The following PPP1R7 variants were observed in gnomAD, a reference collection of about 807,000 sequenced individuals.
The protein encoded by PPP1R7 is protein phosphatase 1 regulatory subunit 7.
Under a neutral mutation model 45.2 loss-of-function variants are expected in PPP1R7, and 18 were observed. The ratio of observed to expected loss-of-function variants is 0.40; its 90% confidence interval spans 0.28 to 0.59. PPP1R7 has a LOEUF of 0.59. Ranked by LOEUF, PPP1R7 falls within the 20% of genes least tolerant of loss-of-function variation. The pLI, the probability that PPP1R7 is intolerant of heterozygous loss-of-function variation, is 0.46. For missense variants in PPP1R7, 314 were observed against 455.8 expected, an observed-to-expected ratio of 0.69 and a Z score of 2.83; for synonymous variants, 181 against 183.4, an observed-to-expected ratio of 0.99 and a Z score of 0.11.
At chr2:241,179,233 G>A (rs2067960223) in intron 9 of PPP1R7, among the ~76,000 whole-genome samples, 1 of 152,190 alleles carries the variant, frequency 6.6e-6, no homozygotes, top group Admixed American at 6.5e-5. Flanking sequence ...AAGAAGGGAT[G>A]TTTGCACACA....
At chr2:241,149,895 C>T (rs988487502), upstream of PPP1R7, 3 of 1,441,180 alleles carry the variant, frequency 2.1e-6, no homozygotes, top group Non-Finnish European at 2.7e-6. Flanking sequence ...AGCGGCCCCA[C>T]CAGCGCAAGT....
chr2:241,173,462 T>C (rs2067853999), intron 9 of PPP1R7, among the ~76,000 whole-genome samples: 1 of 152,146 alleles, frequency 6.6e-6, no homozygotes, highest in South Asian at 2.1e-4. Context: ...TCTTTTTTCC[T>C]CTGGCTGCTT....
intron 5 of PPP1R7, 42 bp from the exon 6 acceptor site, chr2:241,160,290 G>C: frequency 1.3e-6 from 2 of 1,500,340 alleles, no homozygotes; most frequent in East Asian, 2.4e-5. Flanking sequence ...TGCAACCTAT[G>C]CTCGTGAAAT....
In PPP1R7 at chr2:241,166,854, G is replaced by A. The variant is rs1038706905; in HGVS notation, c.819+413G>A. 7.9e-4 allele frequency among the ~76,000 whole-genome samples: 121 copies of A among 152,256 alleles called. 1 individual carries two copies. The highest frequency in any genetic ancestry group is 3.4e-3 in the Middle Eastern group (1 of 294). ...TGGCATCCCTTTAGGCCACTGACCT[G>A]TCCATGGGTCCACTGGCCTCAGCCC... is the stretch of plus-strand genomic sequence containing the variant. On this transcript the variant is annotated intron_variant, in intron 8 of 9. Transcript: ENST00000234038.
rs201044037 is a variant in PPP1R7 at position 241,169,883 on chromosome 2, G to T, written c.906+16G>T. ...AGAGTTCTGGGTAAGTTTAATACAC[G>T]CTGGGGTTGATGACACTTTGACTAA... On this transcript the variant is annotated intron_variant, in intron 9 of 9. Coordinates refer to ENST00000234038, the MANE Select transcript of PPP1R7 (RefSeq NM_002712.3). The T allele has an allele frequency of 5.1e-6, 8 of 1,578,272 alleles. No homozygotes were observed. The African/African-American group carries it at 9.4e-5, about 19-fold the overall frequency.
At chr2:241,161,479 T>C (rs1384384255) in intron 6 of PPP1R7, among the ~76,000 whole-genome samples, 1 of 152,222 alleles carries the variant, frequency 6.6e-6, no homozygotes, top group Non-Finnish European at 1.5e-5. Flanking sequence ...CCGGGGGCTT[T>C]AGAAAACCTC....
upstream of PPP1R7, chr2:241,149,924 T>A: frequency 7.0e-7 from 1 of 1,430,794 alleles, no homozygotes; most frequent in Non-Finnish European, 9.1e-7. Flanking sequence ...CCTGCCCGCC[T>A]GCTCCGAGCG....
At chr2:241,167,005 G>T in intron 8 of PPP1R7, 1 of 1,591,522 alleles carries the variant, frequency 6.3e-7, no homozygotes, top group Non-Finnish European at 8.6e-7. Context: ...GTCCTCACCT[G>T]TTCATGCTCC....
intron 2 of PPP1R7, chr2:241,155,230 A>C (rs1461224024): frequency 9.2e-5 from 14 of 152,260 alleles, no homozygotes; most frequent in Non-Finnish European, 1.5e-4. Flanking sequence ...TCCCTGGCTC[A>C]CTAGCACAGG....
chr2:241,171,122 T>C (rs1187655797), intron 9 of PPP1R7, among the ~76,000 whole-genome samples: 2 of 152,134 alleles, frequency 1.3e-5, no homozygotes, highest in Non-Finnish European at 2.9e-5. Flanking sequence ...GAAGCAATGT[T>C]CCTGAAGCGT....
At chr2:241,170,728 C>T (rs566593103) in intron 9 of PPP1R7, among the ~76,000 whole-genome samples, 3 of 152,354 alleles carry the variant, frequency 2.0e-5, no homozygotes, top group African/African-American at 7.2e-5. Context: ...AAAAGGTCAT[C>T]CAAGTTTCCC....
At chr2:241,152,761 T>TA (rs957156621) in intron 1 of PPP1R7, among the ~76,000 whole-genome samples, 1 of 152,140 alleles carries the variant, frequency 6.6e-6, no homozygotes, top group African/African-American at 2.4e-5. Flanking sequence ...AGTAAAGTTA[T>TA]AAAAAAGAAA....
At chr2:241,154,989 C>T (rs1013990946) in intron 2 of PPP1R7, 24 of 152,198 alleles carry the variant, frequency 1.6e-4, no homozygotes, top group Non-Finnish European at 2.9e-5. Context: ...AGGAGATTAC[C>T]ACAAAAGTAC....
intron 9 of PPP1R7, among the ~76,000 whole-genome samples, chr2:241,178,526 G>A (rs937274761): frequency 7.7e-6 from 1 of 129,874 alleles, no homozygotes; most frequent in Non-Finnish European, 1.6e-5. Context: ...GCGTGATCTC[G>A]GCTCACTGCA....
chr2:241,153,738 GC>G, intron 2 of PPP1R7, 134 bp downstream of exon 2: 1 of 1,131,214 alleles, frequency 8.8e-7, no homozygotes, highest in Non-Finnish European at 1.2e-6. Flanking sequence ...GTCCTCAGTG[GC>G]CCAGGGCAGG....
At chr2:241,161,495 G>T (rs2067589905) in intron 6 of PPP1R7, among the ~76,000 whole-genome samples, 1 of 152,246 alleles carries the variant, frequency 6.6e-6, no homozygotes. Flanking sequence ...ACCTCTTGAT[G>T]CTGACACACT....
intron 6 of PPP1R7, among the ~76,000 whole-genome samples, chr2:241,161,906 G>A (rs890937035): frequency 1.3e-4 from 20 of 152,212 alleles, no homozygotes; most frequent in African/African-American, 2.4e-5. Flanking sequence ...TGGCTTAGTG[G>A]CTTTGGCAGC....
chr2:241,158,770 A>G (rs966282925), intron 4 of PPP1R7: 115 of 542,028 alleles, frequency 2.1e-4, no homozygotes, highest in Non-Finnish European at 3.4e-4. Flanking sequence ...TCCTGAGCCC[A>G]GGCAGCCAGT....
chr2:241,180,563 T>C (rs2067985613), intron 9 of PPP1R7, among the ~76,000 whole-genome samples: 1 of 152,076 alleles, frequency 6.6e-6, no homozygotes, highest in Non-Finnish European at 1.5e-5. Flanking sequence ...TTCGTGACTC[T>C]CCACTTTAAG....
Sources: gnomAD v4.1 joint callset for allele counts (sites outside exome capture counted in the v4.1 genomes callset) on GRCh38, gnomAD v4.1.1 for gene constraint, MANE v1.5 for transcripts, NCBI Gene and HGNC (gene_info 2026-07-23, HGNC 2026-07-21) for gene names.